The following DLG2 variants were observed in gnomAD, a reference collection of about 807,000 sequenced individuals.
The protein encoded by DLG2 is disks large homolog 2.
A neutral mutation model predicts 132.5 loss-of-function variants in DLG2; 45 were observed. The ratio of observed to expected loss-of-function variants is 0.34; its 90% CI spans 0.27 to 0.44. DLG2 has a LOEUF of 0.44. Ranked by LOEUF, DLG2 falls within the 20% of genes least tolerant of loss-of-function variation. DLG2 has a pLI of 1.00. For synonymous variants in DLG2, 424 were observed against 419.6 expected (o/e 1.01, Z -0.13); for missense variants, 1,045 against 1,196.9 (o/e 0.87, Z 1.87).
intron 21 of DLG2, among the ~76,000 whole-genome samples, chr11:83,490,821 TTCTAGA>T (rs1170383401): frequency 4.0e-5 from 6 of 151,876 alleles, no homozygotes; most frequent in Non-Finnish European, 7.4e-5. Flanking sequence ...TAAGGAATCA[TTCTAGA>T]TTAAAGGAGA....
At chr11:84,375,436 C>A (rs1480616997) in intron 7 of DLG2, among the ~76,000 whole-genome samples, 3 of 152,166 alleles carry the variant, frequency 2.0e-5, no homozygotes, top group South Asian at 4.2e-4. Context: ...ACATGGCACA[C>A]CATGTTAATG....
chr11:83,921,941 A>C (rs969045656), intron 15 of DLG2, among the ~76,000 whole-genome samples: 5 of 152,080 alleles, frequency 3.3e-5, no homozygotes, highest in African/African-American at 1.2e-4. Flanking sequence ...GAGTAAAACC[A>C]ATCTGGTTTC....
intron 7 of DLG2, among the ~76,000 whole-genome samples, chr11:84,321,224 A>G (rs1000780489): frequency 4.6e-5 from 7 of 152,166 alleles, no homozygotes; most frequent in South Asian, 2.1e-4. Flanking sequence ...TTCAATCACC[A>G]TGATGACCAC....
At chr11:84,462,073 T>C (rs2154485867) in intron 7 of DLG2, among the ~76,000 whole-genome samples, 1 of 151,110 alleles carries the variant, frequency 6.6e-6, no homozygotes, top group Admixed American at 6.6e-5. Flanking sequence ...TTGTCATCTG[T>C]GAAATGAAAA....
chr11:84,601,667 G>A (rs1317807747), intron 6 of DLG2, among the ~76,000 whole-genome samples: 1 of 151,980 alleles, frequency 6.6e-6, no homozygotes, highest in African/African-American at 2.4e-5. Context: ...TACACGTGAT[G>A]ATGTTAAATG....
chr11:84,292,994 T>A (rs550186448), intron 7 of DLG2, among the ~76,000 whole-genome samples: 18 of 152,340 alleles, frequency 1.2e-4, no homozygotes, highest in Non-Finnish European at 2.4e-4. Flanking sequence ...GGCTGTAGGT[T>A]GGACAAGCTT....
At chr11:85,201,272 G>C (rs577820609) in intron 4 of DLG2, among the ~76,000 whole-genome samples, 1 of 152,154 alleles carries the variant, frequency 6.6e-6, no homozygotes, top group Admixed American at 6.5e-5. Context: ...ACACACCTCT[G>C]AGCCAATGAA....
rs527984964 is a variant in DLG2, at chr11:84,161,816, T to C, written c.624+1645A>G. Among the ~76,000 whole-genome samples the C allele has an allele frequency of 8.5e-5, 13 of 152,290 alleles. No individual in the cohort carries two copies. In the South Asian group the frequency reaches 2.3e-3, roughly 27 times the overall value. On this transcript the variant is annotated intron_variant, in intron 9 of 27. Coordinates refer to ENST00000376104, the MANE Select transcript of DLG2 (RefSeq NM_001142699.3). ...ACTCCATAAATCATATAGCTTGTCT[T>C]GGAGAGAAACTTAATGATTCAGGAG...
chr11:84,631,008 TCTCTCTCTCTCACACACA>T (rs1340019556), intron 6 of DLG2, among the ~76,000 whole-genome samples: 11 of 130,122 alleles, frequency 8.5e-5, no homozygotes, highest in African/African-American at 3.6e-4. Flanking sequence ...TCTCTCTCTC[TCTCTCTCTCTCACACACA>T]CACACACACA....
intron 6 of DLG2, chr11:85,021,197 T>C: frequency 2.8e-6 from 3 of 1,071,608 alleles, no homozygotes; most frequent in Non-Finnish European, 4.4e-6. Flanking sequence ...CTTCGTGAGT[T>C]GTTTCCTGAT....
chr11:83,635,851 A>G (rs549012814), intron 18 of DLG2, among the ~76,000 whole-genome samples: 5 of 152,166 alleles, frequency 3.3e-5, no homozygotes, highest in African/African-American at 4.8e-5. Context: ...TGTATATGTG[A>G]ATGTTGGCAG....
chr11:84,462,290 G>C (rs762474034), intron 7 of DLG2, among the ~76,000 whole-genome samples: 1 of 150,926 alleles, frequency 6.6e-6, no homozygotes, highest in Non-Finnish European at 1.5e-5. Flanking sequence ...CATGCAAGAG[G>C]TCCTATATCT....
intron 3 of DLG2, among the ~76,000 whole-genome samples, chr11:85,444,889 G>A (rs2153035036): frequency 6.6e-6 from 1 of 152,226 alleles, no homozygotes; most frequent in Middle Eastern, 3.4e-3. Flanking sequence ...GCCTTTCTTA[G>A]CAAAAACTGT....
At chr11:85,027,055 C>G (rs2060586057) in intron 6 of DLG2, among the ~76,000 whole-genome samples, 1 of 150,966 alleles carries the variant, frequency 6.6e-6, no homozygotes. Flanking sequence ...AGTTTGTCCA[C>G]ATTATAAAAT....
intron 19 of DLG2, among the ~76,000 whole-genome samples, chr11:83,608,504 T>C (rs2059656560): frequency 1.3e-5 from 2 of 152,180 alleles, no homozygotes; most frequent in African/African-American, 4.8e-5. Context: ...TTTGGGATGC[T>C]CAACCTGTAA....
At chr11:83,495,382 A>C (rs1297878538) in intron 21 of DLG2, among the ~76,000 whole-genome samples, 1 of 152,108 alleles carries the variant, frequency 6.6e-6, no homozygotes, top group Non-Finnish European at 1.5e-5. Flanking sequence ...GACAAAAACA[A>C]TCTAATTTTG....
At chr11:83,775,718 A>G (rs2094554001) in intron 18 of DLG2, among the ~76,000 whole-genome samples, 1 of 137,782 alleles carries the variant, frequency 7.3e-6, no homozygotes, top group Non-Finnish European at 1.5e-5. Context: ...CATTGTCATT[A>G]TTCTTTTTTT....
intron 3 of DLG2, among the ~76,000 whole-genome samples, chr11:85,438,140 G>A (rs1223979456): frequency 6.6e-6 from 1 of 152,060 alleles, no homozygotes; most frequent in Non-Finnish European, 1.5e-5. Flanking sequence ...GAGGTACTAG[G>A]CTCTTTTTAA....
At chr11:84,445,518 C>A (rs1016271740) in intron 7 of DLG2, among the ~76,000 whole-genome samples, 1 of 151,904 alleles carries the variant, frequency 6.6e-6, no homozygotes, top group African/African-American at 2.4e-5. Context: ...TGCATAAATA[C>A]TTTTTTTTGC....
Sources: gnomAD v4.1 joint callset for allele counts (sites outside exome capture counted in the v4.1 genomes callset) on GRCh38, gnomAD v4.1.1 for gene constraint, MANE v1.5 for transcripts, NCBI Gene and HGNC (gene_info 2026-07-23, HGNC 2026-07-21) for gene names.